Variants in OR7C1 observed in about 807,000 individuals in gnomAD.
OR7C1 encodes olfactory receptor family 7 subfamily C member 1.
For missense variants in OR7C1, 324 were observed against 383.3 expected, an observed-to-expected ratio of 0.85 and a Z score of 1.29; for synonymous variants, 152 against 160.7, an observed-to-expected ratio of 0.95 and a Z score of 0.41.
intron 1 of OR7C1, among the ~76,000 whole-genome samples, chr19:14,813,529 C>T (rs984623118): frequency 6.6e-6 from 1 of 151,946 alleles, no homozygotes; most frequent in African/African-American, 2.4e-5. Context: ...CACTCCAGCC[C>T]CAGCGACAGA....
rs1434922667 is a variant in OR7C1 at position 14,799,734 on chromosome 19, T to C, written c.403A>G (p.Ile135Val). The change falls in exon 5 of 5, where the codon ATC becomes GTC. Residue 135 changes from isoleucine (I) to valine (V), a missense_variant. Physicochemically the swap from Ile to Val is conservative, Grantham distance 29 (BLOSUM62 3). Coordinates refer to ENST00000641666, the Ensembl canonical transcript of OR7C1. ...AGTCCACAGAGCTGGGGGTTCATGA[T>C]GACCGTATAGTGCAGGGGGTGACAG... 6 of 1,614,064 alleles carry C rather than the reference T, an allele frequency of 3.7e-6. No individual in the cohort carries two copies. In the South Asian group the frequency reaches 5.5e-5, roughly 15 times the overall value.
intron 1 of OR7C1, among the ~76,000 whole-genome samples, chr19:14,820,977 G>C (rs1387384493): frequency 6.6e-6 from 1 of 152,124 alleles, no homozygotes; most frequent in East Asian, 1.9e-4. Flanking sequence ...GTGTGGGCCG[G>C]GCATGGTGGC....
At chr19:14,822,815 A>T (rs2044747460) in intron 1 of OR7C1, among the ~76,000 whole-genome samples, 1 of 150,240 alleles carries the variant, frequency 6.7e-6, no homozygotes, top group Non-Finnish European at 1.5e-5. Context: ...TATGTCTTCT[A>T]TTGAGACATG....
intron 1 of OR7C1, among the ~76,000 whole-genome samples, chr19:14,831,411 G>A (rs1005965258): frequency 1.3e-5 from 2 of 151,870 alleles, no homozygotes; most frequent in African/African-American, 4.8e-5. Context: ...CACTTTTCTT[G>A]TATTTCCTGT....
chr19:14,813,714 G>GA (rs763694131), intron 1 of OR7C1, among the ~76,000 whole-genome samples: 15 of 143,004 alleles, frequency 1.0e-4, no homozygotes, highest in Admixed American at 1.0e-3. Context: ...CAGAGAGAGA[G>GA]AAGGGGGGCG....
At chr19:14,816,487 G>A (rs924315859) in intron 1 of OR7C1, among the ~76,000 whole-genome samples, 1 of 152,146 alleles carries the variant, frequency 6.6e-6, no homozygotes, top group African/African-American at 2.4e-5. Context: ...TTTCTCCCAT[G>A]GTGAATGCTT....
In OR7C1 at chr19:14,804,075, C is replaced by T. The variant is rs1313342347; in HGVS notation, c.-434-3311G>A. The stretch of plus-strand genomic sequence containing the variant: ...GAATGTAGGATACATAGGTGTCCTA[C>T]CCAGGATTGCATGCTAAGTAAACAT... On this transcript the variant is annotated intron_variant, in intron 2 of 4. Transcript: ENST00000641666. Among the ~76,000 whole-genome samples, 17 of 152,040 alleles carry T rather than the reference C, an allele frequency of 1.1e-4. 1 individual carries two copies. Among genetic ancestry groups the T allele is most frequent in the Admixed American group, 1.1e-3 (17 of 15,262 alleles).
intron 1 of OR7C1, chr19:14,827,507 G>A (rs2044781378): frequency 6.2e-7 from 1 of 1,614,152 alleles, no homozygotes; most frequent in Non-Finnish European, 8.5e-7. Context: ...AGACAACTGA[G>A]AGGTGAGATG....
chr19:14,818,061 A>ATTTT (rs1270515532), intron 1 of OR7C1, among the ~76,000 whole-genome samples: 4 of 82,582 alleles, frequency 4.8e-5, no homozygotes, highest in African/African-American at 1.6e-4. Context: ...CATTTTATTT[A>ATTTT]TTTTATTTAT....
At chr19:14,814,805 A>C (rs76923831) in intron 1 of OR7C1, among the ~76,000 whole-genome samples, 1 of 152,194 alleles carries the variant, frequency 6.6e-6, no homozygotes, top group African/African-American at 2.4e-5. Flanking sequence ...ACTTCCAGCC[A>C]TGACGGGACG....
At chr19:14,825,845 T>C (rs2044763796) in intron 1 of OR7C1, 1 of 152,406 alleles carries the variant, frequency 6.6e-6, no homozygotes, top group Non-Finnish European at 1.5e-5. Flanking sequence ...AAAAGCATCA[T>C]CTTAAACCAT....
intron 1 of OR7C1, among the ~76,000 whole-genome samples, chr19:14,814,644 C>T (rs1008319891): frequency 3.2e-4 from 48 of 152,146 alleles, no homozygotes; most frequent in African/African-American, 1.1e-3. Context: ...AGGCTGGTCT[C>T]GAACTCCTGA....
chr19:14,831,310 T>A lies in OR7C1; in HGVS notation c.-623+3764A>T, dbSNP rs74353407. 4.1e-3 allele frequency among the ~76,000 whole-genome samples: 627 copies of A among 152,346 alleles called. 6 individuals are homozygous for A. The highest frequency in any genetic ancestry group is 0.015 in the African/African-American group (605 of 41,582). On this transcript the variant is annotated intron_variant, in intron 1 of 4. Coordinates refer to ENST00000641666, the Ensembl canonical transcript of OR7C1. ...ATTTGGGCATTTTTATATGAAACAG[T>A]AAAAGACTCATTTTTTTCTGTGCCT...
intron 1 of OR7C1, among the ~76,000 whole-genome samples, chr19:14,810,994 T>C (rs899388086): frequency 6.6e-6 from 1 of 151,928 alleles, no homozygotes; most frequent in African/African-American, 2.4e-5. Context: ...CACCTGACAG[T>C]GACTAAGAGC....
intron 2 of OR7C1, among the ~76,000 whole-genome samples, chr19:14,805,423 T>G (rs1407741742): frequency 4.8e-5 from 7 of 145,614 alleles, no homozygotes; most frequent in Non-Finnish European, 4.5e-5. Context: ...TTTTTTTTTT[T>G]TTTTTTTTTT....
chr19:14,814,265 C>T (rs1241772377), intron 1 of OR7C1, among the ~76,000 whole-genome samples: 1 of 152,142 alleles, frequency 6.6e-6, no homozygotes, highest in African/African-American at 2.4e-5. Flanking sequence ...AGGAAACATT[C>T]ACAAACCATC....
chr19:14,799,268 T>C (rs1568246050), exon 5 of OR7C1: 2 of 1,614,088 alleles, frequency 1.2e-6, no homozygotes, highest in Non-Finnish European at 1.7e-6. Flanking sequence ...CCTCAGGCTG[T>C]AGATGAAGGG....
At chr19:14,832,697 T>C (rs2044845447) in intron 1 of OR7C1, among the ~76,000 whole-genome samples, 2 of 152,166 alleles carry the variant, frequency 1.3e-5, no homozygotes, top group East Asian at 3.9e-4. Context: ...AGTGTTGGGA[T>C]TACAGGCCTG....
chr19:14,800,789 G>T (rs1355349815), intron 2 of OR7C1, 25 bp from the exon 3 acceptor site: 2 of 152,182 alleles, frequency 1.3e-5, no homozygotes, highest in Non-Finnish European at 2.9e-5. Flanking sequence ...TGCAAAGTAA[G>T]ATTAGGGTGG....
Sources: gnomAD v4.1 joint callset for allele counts (sites outside exome capture counted in the v4.1 genomes callset) on GRCh38, gnomAD v4.1.1 for gene constraint, MANE v1.5 for transcripts, NCBI Gene and HGNC (gene_info 2026-07-23, HGNC 2026-07-21) for gene names.